C11orf65: variants seen among roughly 807,000 people sequenced by gnomAD.
C11orf65 encodes the protein protein MFI.
C11orf65 carries 38 observed loss-of-function variants against 35.3 expected under a neutral mutation model. The observed-to-expected ratio is 1.08, with a 90% CI of 0.83 to 1.41. The LOEUF is 1.41. Ranked by LOEUF, C11orf65 falls within the 40% of genes most tolerant of loss-of-function variation. The probability of loss-of-function intolerance (pLI) is 0.00; values close to 1 mark genes in which losing one functional copy is unlikely to be tolerated. For missense variants in C11orf65, 370 were observed against 367.1 expected, an observed-to-expected ratio of 1.01 and a Z score of -0.06; for synonymous variants, 105 against 114.4, an observed-to-expected ratio of 0.92 and a Z score of 0.53.
downstream of C11orf65, chr11:108,331,095 A>T: frequency 2.2e-6 from 2 of 924,858 alleles, no homozygotes; most frequent in Non-Finnish European, 2.6e-6. Flanking sequence ...AAAAGCAATT[A>T]CTTCATTTTA....
intron 3 of C11orf65, among the ~76,000 whole-genome samples, chr11:108,422,165 T>C (rs1448564100): frequency 1.3e-5 from 2 of 152,058 alleles, no homozygotes; most frequent in African/African-American, 2.4e-5. Flanking sequence ...CCTGACCTCA[T>C]GATCCGCCCG....
In C11orf65 at chr11:108,315,875, G is replaced by A. The variant is rs1591776938; in HGVS notation, c.641-6804C>T. 6.2e-7 allele frequency: 1 copy of A among 1,613,266 alleles called. No homozygotes were observed. Among genetic ancestry groups the A allele is most frequent in the Non-Finnish European group, 8.5e-7 (1 of 1,179,284 alleles). On this transcript the variant is annotated intron_variant, in intron 6 of 6. Coordinates refer to the C11orf65 transcript ENST00000525729. ...ATAGGGGAGCCAGATAGTTTGTATG[G>A]CTGTGGTGGAGGGAAGATGTTACAA...
rs139806085 is a variant in C11orf65 at position 108,395,203 on chromosome 11, T to C, written c.561-1825A>G. On this transcript the variant is annotated intron_variant, in intron 6 of 8. Coordinates refer to ENST00000393084, the MANE Select transcript of C11orf65 (RefSeq NM_152587.5). ...AGAGGTTTAGAAGCATAAATCCATG[T>C]GGGATGGGCATGGATGGTGGCTCAT... is the stretch of plus-strand genomic sequence containing the variant. Among the ~76,000 whole-genome samples the C allele has an allele frequency of 6.1e-3, 921 of 151,174 alleles. 6 individuals carry two copies. Among genetic ancestry groups the C allele is most frequent in the East Asian group, 0.011 (55 of 5,044 alleles).
At chr11:108,466,521 C>A (rs1373575829) in intron 1 of C11orf65, among the ~76,000 whole-genome samples, 2 of 152,156 alleles carry the variant, frequency 1.3e-5, no homozygotes, top group Non-Finnish European at 2.9e-5. Flanking sequence ...TTGCAGTGAA[C>A]TGAGATCACG....
intron 6 of C11orf65, among the ~76,000 whole-genome samples, chr11:108,398,533 T>C (rs980432236): frequency 6.6e-6 from 1 of 152,242 alleles, no homozygotes; most frequent in Non-Finnish European, 1.5e-5. Flanking sequence ...AGCTCAGTTA[T>C]GGATGACGAT....
downstream of C11orf65, among the ~76,000 whole-genome samples, chr11:108,328,717 C>T (rs1049304493): frequency 3.9e-5 from 6 of 152,120 alleles, no homozygotes; most frequent in East Asian, 3.8e-4. Context: ...AGAAGAATTG[C>T]CTTGGGCCAC....
Position 108,382,861 on chromosome 11 carries a change from C to A in C11orf65, c.*160G>T. On this transcript the variant is annotated 3_prime_UTR_variant, in exon 9 of 9. Coordinates refer to ENST00000393084, the MANE Select transcript of C11orf65 (RefSeq NM_152587.5). ...ATTTGCCATGATCATTGTATTCAGT[C>A]CAGTGTTCTATTTCTGCTCAATCTT... 6.8e-7 allele frequency: 1 copy of A among 1,470,764 alleles called. No individual in the cohort carries two copies. Among genetic ancestry groups the A allele is most frequent in the South Asian group, 1.4e-5 (1 of 73,724 alleles). 91.1% of individuals were successfully genotyped at this position (1,470,764 alleles called of 1,614,324 possible). A position where few individuals can be genotyped will look rare whatever the true frequency, so the allele number is the denominator to read the frequency against.
chr11:108,329,308 G>C (rs2086015388), downstream of C11orf65: 33 of 1,357,128 alleles, frequency 2.4e-5, no homozygotes, highest in African/African-American at 2.6e-4. Context: ...TGCATAGAAA[G>C]AGTGACTTGG....
Position 108,332,035 on chromosome 11 carries a change from G to A in C11orf65, c.300-468C>T, listed in dbSNP as rs1555124747. 1 of 1,613,596 alleles carries A rather than the reference G, an allele frequency of 6.2e-7. No individual in the cohort carries two copies. Among genetic ancestry groups the A allele is most frequent in the Non-Finnish European group, 8.5e-7 (1 of 1,179,706 alleles). On this transcript the variant is annotated intron_variant, in intron 3 of 3. Transcript: ENST00000524755. The stretch of plus-strand genomic sequence containing the variant: ...GCCTAAACAAAGCTCTCAGCTTGAT[G>A]AGGTATTTGGATTAAACATACGTAC...
rs1207242161 is a variant in C11orf65, at chr11:108,335,219, C to A, written c.299+1G>T. 6.3e-7 allele frequency: 1 copy of A among 1,574,958 alleles called. No homozygotes were observed. The highest frequency in any genetic ancestry group is 1.4e-5 in the African/African-American group (1 of 73,580). ...ATTTTGTCTTTATTTTGAATACTTACAAATGAGGAAGATTTGTAGAGTAGA... is the reference window on the plus strand; with the variant it reads ...ATTTTGTCTTTATTTTGAATACTTAAAAATGAGGAAGATTTGTAGAGTAGA... On this transcript the variant is annotated splice_donor_variant, in intron 3 of 3. Coordinates refer to the C11orf65 transcript ENST00000524755. LOFTEE classifies it high-confidence loss of function.
At position 108,345,882 on chromosome 11, in the gene C11orf65, C is replaced by A. The variant is rs141534716; in HGVS notation, c.227-10590G>T. The A allele has an allele frequency of 1.9e-6, 3 of 1,613,680 alleles. No homozygotes were observed. The highest frequency in any genetic ancestry group is 1.1e-5 in the South Asian group (1 of 91,062). ...TGGTTTGAGAAGCGATTGGCTTATA[C>A]GCGCAGTGTAGCTACTTCTTCTATT... On this transcript the variant is annotated intron_variant, in intron 2 of 3. Coordinates refer to the C11orf65 transcript ENST00000524755.
At position 108,335,224 on chromosome 11, in the gene C11orf65, GA is replaced by G; in HGVS notation, c.294del (p.Ser99HisfsTer14). 1 of 1,569,336 alleles carries G rather than the reference GA, an allele frequency of 6.4e-7. No homozygotes were observed. ...GTCTTTATTTTGAATACTTACAAAT[GA>G]GGAAGATTTGTAGAGTAGAAATGCA... is the stretch of plus-strand genomic sequence containing the variant. On this transcript the variant is annotated frameshift_variant, in exon 3 of 4. Transcript: ENST00000524755. LOFTEE classifies it high-confidence loss of function.
chr11:108,442,155 T>C (rs115683911), intron 2 of C11orf65, among the ~76,000 whole-genome samples: 1,890 of 152,178 alleles, frequency 0.012, 49 homozygotes, highest in African/African-American at 0.042. Context: ...CTGAAAACCA[T>C]GGCAAGAGAA....
At chr11:108,465,814 G>A (rs1236684564) in intron 1 of C11orf65, among the ~76,000 whole-genome samples, 3 of 151,920 alleles carry the variant, frequency 2.0e-5, no homozygotes, top group African/African-American at 4.8e-5. Flanking sequence ...GAGAAATCCC[G>A]TCTCTACTAA....
intron 2 of C11orf65, among the ~76,000 whole-genome samples, chr11:108,447,256 T>C (rs2093277016): frequency 1.3e-5 from 2 of 151,978 alleles, no homozygotes; most frequent in South Asian, 2.1e-4. Context: ...TACCCAGAAA[T>C]TGAACTCAGC....
chr11:108,317,443 A>AT, intron 6 of C11orf65: 1 of 1,612,520 alleles, frequency 6.2e-7, no homozygotes, highest in Non-Finnish European at 8.5e-7. Context: ...GAAAATAAAG[A>AT]CTGGTGTCCT....
chr11:108,466,031 G>A (rs1425824294), intron 1 of C11orf65, among the ~76,000 whole-genome samples: 1 of 151,070 alleles, frequency 6.6e-6, no homozygotes, highest in Non-Finnish European at 1.5e-5. Context: ...AGATTCTAAA[G>A]CATGTTAAAA....
intron 3 of C11orf65, among the ~76,000 whole-genome samples, chr11:108,428,916 G>T (rs2092946829): frequency 6.6e-6 from 1 of 152,204 alleles, no homozygotes; most frequent in African/African-American, 2.4e-5. Context: ...GGAGGCCAAG[G>T]CATAAGGATT....
At chr11:108,458,278 C>T (rs1010720359) in intron 2 of C11orf65, among the ~76,000 whole-genome samples, 11 of 142,002 alleles carry the variant, frequency 7.7e-5, no homozygotes, top group African/African-American at 2.4e-4. Flanking sequence ...GGCTGAGGCA[C>T]GAGAATCACT....
Sources: allele counts gnomAD v4.1 joint callset (sites outside exome capture counted in the v4.1 genomes callset), GRCh38; gene constraint gnomAD v4.1.1; transcripts MANE v1.5; gene names NCBI Gene and HGNC (gene_info 2026-07-23, HGNC 2026-07-21).